Variants in C8orf34 observed in about 807,000 individuals in gnomAD.
The protein encoded by C8orf34 is chromosome 8 open reading frame 34, also known as uncharacterized protein C8orf34.
In C8orf34, 65 loss-of-function variants were observed where a neutral mutation model predicts 68.3. The ratio of observed to expected loss-of-function variants is 0.95; its 90% CI spans 0.78 to 1.17. The LOEUF (loss-of-function observed/expected upper bound fraction) is 1.17, where lower values mean the gene tolerates loss of function less well. Among genes scored for constraint, C8orf34 ranks in the 50% most tolerant of loss-of-function variants. The probability of loss-of-function intolerance (pLI) is 0.00; values close to 1 mark genes in which losing one functional copy is unlikely to be tolerated. For synonymous variants in C8orf34, 244 were observed against 241.2 expected (o/e 1.01, Z -0.11); for missense variants, 664 against 655.4 (o/e 1.01, Z -0.14).
intron 8 of C8orf34, among the ~76,000 whole-genome samples, chr8:68,700,292 G>C (rs947004000): frequency 2.0e-5 from 3 of 152,158 alleles, no homozygotes; most frequent in Non-Finnish European, 2.9e-5. Context: ...ATCTGGGAGG[G>C]ATCTGAGAGA....
At chr8:68,402,902 G>A (rs1361060668) in intron 1 of C8orf34, among the ~76,000 whole-genome samples, 1 of 152,280 alleles carries the variant, frequency 6.6e-6, no homozygotes, top group East Asian at 1.9e-4. Context: ...CAATGAATAT[G>A]ATTGCAAATA....
chr8:68,508,325 G>T (rs1455207992), intron 5 of C8orf34, among the ~76,000 whole-genome samples: 1 of 151,946 alleles, frequency 6.6e-6, no homozygotes, highest in Non-Finnish European at 1.5e-5. Context: ...CACTTTAATG[G>T]CACATAACAC....
intron 10 of C8orf34, among the ~76,000 whole-genome samples, chr8:68,731,681 T>C (rs1014575532): frequency 1.3e-5 from 2 of 152,254 alleles, no homozygotes; most frequent in African/African-American, 4.8e-5. Context: ...TATTCTTACA[T>C]AAAACTATCT....
At chr8:68,396,888 G>T (rs1303188796) in intron 1 of C8orf34, among the ~76,000 whole-genome samples, 1 of 151,892 alleles carries the variant, frequency 6.6e-6, no homozygotes, top group Non-Finnish European at 1.5e-5. Flanking sequence ...TATACAGCCT[G>T]CAGAACTGTG....
chr8:68,528,485 G>T (rs1005332035), intron 6 of C8orf34, among the ~76,000 whole-genome samples: 2 of 152,102 alleles, frequency 1.3e-5, no homozygotes, highest in Non-Finnish European at 2.9e-5. Flanking sequence ...ATGGTAATTT[G>T]TCCCTTGGAT....
intron 8 of C8orf34, among the ~76,000 whole-genome samples, chr8:68,689,268 A>G (rs1273681207): frequency 6.6e-6 from 1 of 151,970 alleles, no homozygotes; most frequent in Non-Finnish European, 1.5e-5. Flanking sequence ...GGAACAATGC[A>G]GGTGGGTGAA....
At chr8:68,427,833 T>G (rs990441295) in intron 1 of C8orf34, among the ~76,000 whole-genome samples, 2 of 151,838 alleles carry the variant, frequency 1.3e-5, no homozygotes, top group Non-Finnish European at 2.9e-5. Context: ...GCACATTTCT[T>G]TGCAATTTCT....
intron 1 of C8orf34, among the ~76,000 whole-genome samples, chr8:68,433,872 T>C (rs934317319): frequency 2.6e-5 from 4 of 152,224 alleles, no homozygotes; most frequent in Admixed American, 6.5e-5. Context: ...TTTGCTTTTA[T>C]CTAATGAAAA....
intron 1 of C8orf34, among the ~76,000 whole-genome samples, chr8:68,349,707 G>T (rs1405182672): frequency 1.3e-5 from 2 of 151,830 alleles, no homozygotes; most frequent in Non-Finnish European, 2.9e-5. Flanking sequence ...GTCTTGTGAG[G>T]GTGTATGTGC....
chr8:68,532,965 A>C lies in C8orf34; in HGVS notation c.939-18A>C. On this transcript the variant is annotated intron_variant, in intron 6 of 13. Transcript: ENST00000518698. ...TCTTTACTTATCACAGCTAATTAAC[A>C]TTTAAATATTTCTTCAGCTTAAAGA... is the stretch of plus-strand genomic sequence containing the variant. 6.5e-7 allele frequency: 1 copy of C among 1,535,928 alleles called. No individual in the cohort carries two copies. The highest frequency in any genetic ancestry group is 8.9e-7 in the Non-Finnish European group (1 of 1,128,214).
chr8:68,809,888 A>T (rs1824594857), intron 12 of C8orf34, among the ~76,000 whole-genome samples: 1 of 152,236 alleles, frequency 6.6e-6, no homozygotes, highest in African/African-American at 2.4e-5. Context: ...TAAAGATGGC[A>T]TGTGACGATT....
At chr8:68,534,074 T>A (rs995172130) in intron 7 of C8orf34, 1 of 984,036 alleles carries the variant, frequency 1.0e-6, no homozygotes, top group African/African-American at 1.7e-5. Flanking sequence ...ATGAGATTCC[T>A]TGGTTTTAAG....
At chr8:68,730,536 AT>A (rs561760261) in intron 10 of C8orf34, among the ~76,000 whole-genome samples, 45 of 152,208 alleles carry the variant, frequency 3.0e-4, no homozygotes, top group African/African-American at 1.0e-3. Context: ...TGCAAATATT[AT>A]TTTTTAAAAC....
At chr8:68,686,479 TGA>T (rs1820522611) in intron 8 of C8orf34, among the ~76,000 whole-genome samples, 1 of 152,040 alleles carries the variant, frequency 6.6e-6, no homozygotes, top group Admixed American at 6.6e-5. Context: ...GCTTAACATA[TGA>T]GAGTCAATAA....
chr8:68,554,702 C>T (rs1299857713), intron 7 of C8orf34, among the ~76,000 whole-genome samples: 2 of 142,480 alleles, frequency 1.4e-5, no homozygotes, highest in East Asian at 3.9e-4. Context: ...ATTGATATCA[C>T]TCCCATTTAA....
intron 7 of C8orf34, among the ~76,000 whole-genome samples, chr8:68,614,081 A>G (rs1818114370): frequency 6.6e-6 from 1 of 152,160 alleles, no homozygotes; most frequent in African/African-American, 2.4e-5. Context: ...GGCTGCATAA[A>G]TTCTTCTTTT....
At chr8:68,765,996 C>T (rs561029504) in intron 10 of C8orf34, among the ~76,000 whole-genome samples, 1 of 152,158 alleles carries the variant, frequency 6.6e-6, no homozygotes, top group African/African-American at 2.4e-5. Flanking sequence ...AAATGTGAAA[C>T]TGGTTTTTTG....
At chr8:68,352,307 T>C (rs1226111031) in intron 1 of C8orf34, among the ~76,000 whole-genome samples, 1 of 152,110 alleles carries the variant, frequency 6.6e-6, no homozygotes, top group African/African-American at 2.4e-5. Context: ...AATGTGGGCC[T>C]ACTGAGAGTT....
At chr8:68,716,269 T>TA (rs1563626797) in intron 9 of C8orf34, among the ~76,000 whole-genome samples, 2 of 151,966 alleles carry the variant, frequency 1.3e-5, no homozygotes, top group African/African-American at 4.8e-5. Context: ...TTAAATAACT[T>TA]ATTCATGTAA....
Sources: gnomAD v4.1 joint callset for allele counts (sites outside exome capture counted in the v4.1 genomes callset) on GRCh38, gnomAD v4.1.1 for gene constraint, MANE v1.5 for transcripts, NCBI Gene and HGNC (gene_info 2026-07-23, HGNC 2026-07-21) for gene names.